Variants in ZNF7 observed in about 807,000 individuals in gnomAD.
The protein encoded by ZNF7 is zinc finger protein 7, also known as C2-H2 type zinc finger protein.
Under a neutral mutation model 12.0 loss-of-function variants are expected in ZNF7, and 10 were observed. The observed-to-expected ratio is 0.83, with a 90% CI of 0.51 to 1.42. The LOEUF is 1.42. Ranked by LOEUF, ZNF7 falls within the 40% of genes most tolerant of loss-of-function variation. The pLI is 0.00. For synonymous variants in ZNF7, 334 were observed against 295.0 expected, an observed-to-expected ratio of 1.13 and a Z score of -1.35; for missense variants, 854 against 837.2, an observed-to-expected ratio of 1.02 and a Z score of -0.25.
At position 144,841,527 on chromosome 8, in the gene ZNF7, G is replaced by A; in HGVS notation, c.420G>A (p.Gly140=). Residue 140 remains glycine, a synonymous_variant, in exon 5 of 5, where the codon GGG becomes GGA. Coordinates refer to ENST00000532777, the MANE Select transcript of ZNF7 (RefSeq NM_003416.4). ...TAGACAGTCATCTGGGCAGTCCCGGGCTGAAAGTGACAGGCTTTACCTTCC... is the reference window on the plus strand; with the variant it reads ...TAGACAGTCATCTGGGCAGTCCCGGACTGAAAGTGACAGGCTTTACCTTCC... ...VWLDSHLGSP[G]LKVTGFTFQN... The A allele has an allele frequency of 6.2e-7, 1 of 1,614,162 alleles. No individual in the cohort carries two copies.
chr8:144,841,513 C>T lies in ZNF7; in HGVS notation c.406C>T (p.Leu136=). 1.9e-6 allele frequency: 3 copies of T among 1,614,206 alleles called. No homozygotes were observed. The highest frequency in any genetic ancestry group is 2.2e-5 in the East Asian group (1 of 44,888). ...TTCTGAGGTCTGGTTAGACAGTCAT[C>T]TGGGCAGTCCCGGGCTGAAAGTGAC... ...SDSEVWLDSH[L]GSPGLKVTGF... The change falls in exon 5 of 5, where the codon CTG becomes TTG. Residue 136 remains leucine (L), a synonymous_variant. Transcript: ENST00000532777.
chr8:144,835,200 T>A (rs1255798612), intron 3 of ZNF7: 1 of 151,364 alleles, frequency 6.6e-6, no homozygotes, highest in Non-Finnish European at 1.5e-5. Context: ...GCATTTATAT[T>A]TTCTTTTTTT....
In ZNF7 at chr8:144,843,385, T is replaced by C. The variant is rs561183404; in HGVS notation, c.*217T>C. 684 of 494,926 alleles carry C rather than the reference T, an allele frequency of 1.4e-3. 4 individuals carry two copies. Among genetic ancestry groups the C allele is most frequent in the East Asian group, 7.3e-3 (211 of 28,868 alleles). 30.7% of individuals were successfully genotyped at this position (494,926 alleles called of 1,614,324 possible). ...CGGGCACATCACGAGGTCAGGAGGT[T>C]GAGACCATCCTGGGTAACAGGTGAA... is the stretch of plus-strand genomic sequence containing the variant. On this transcript the variant is annotated 3_prime_UTR_variant, in exon 5 of 5. Transcript: ENST00000532777.
Position 144,843,033 on chromosome 8 carries a change from AT to A in ZNF7, c.1929del (p.Phe643LeufsTer7), listed in dbSNP as rs1205166454. The A allele has an allele frequency of 1.2e-6, 2 of 1,614,204 alleles. No homozygotes were observed. Among genetic ancestry groups the A allele is most frequent in the Admixed American group, 3.3e-5 (2 of 60,022 alleles). On this transcript the variant is annotated frameshift_variant, in exon 5 of 5. Coordinates refer to ENST00000532777, the MANE Select transcript of ZNF7 (RefSeq NM_003416.4). LOFTEE classifies it low-confidence loss of function (END_TRUNC). Reference protein sequence around the residue: ...LHQCEDCEKIFRWRSHLIIHQ... With the variant: ...LHQCEDCEKIXRWRSHLIIHQ... ...ATCAGTGTGAAGACTGTGAGAAGAT[AT>A]TTAGGTGGCGTTCACACCTAATTAT...
At chr8:144,829,135 G>GCC in intron 2 of ZNF7, 45 bp downstream of exon 2, 1 of 1,612,694 alleles carries the variant, frequency 6.2e-7, no homozygotes, top group Non-Finnish European at 8.5e-7. Flanking sequence ...TCCTGTGAAG[G>GCC]CCCACCTCCT....
Position 144,841,477 on chromosome 8 carries a change from G to T in ZNF7, c.370G>T (p.Asp124Tyr). The stretch of plus-strand genomic sequence containing the variant: ...CTTTCCTCAGAATCCTGGCTTTGGA[G>T]ACGTTTCTGATTCTGAGGTCTGGTT... ...QDFPQNPGFG[D>Y]VSDSEVWLDS... Residue 124 changes from aspartate to tyrosine, a missense_variant, in exon 5 of 5, where the codon GAC becomes TAC. Transcript: ENST00000532777. 1 of 1,614,224 alleles carries T rather than the reference G, an allele frequency of 6.2e-7. No homozygotes were observed.
chr8:144,841,442 C>T lies in ZNF7; in HGVS notation c.335C>T (p.Ser112Phe), dbSNP rs1829899949. 2 of 1,614,092 alleles carry T rather than the reference C, an allele frequency of 1.2e-6. No individual in the cohort carries two copies. Among genetic ancestry groups the T allele is most frequent in the African/African-American group, 1.3e-5 (1 of 74,940 alleles). The change falls in exon 5 of 5, where the codon TCC becomes TTC. Residue 112 changes from serine (S) to phenylalanine (F), a missense_variant. By Grantham distance (155) the Ser-to-Phe change is radical. Transcript: ENST00000532777. ...SESYGTVVRI[S>F]PQDFPQNPGF... ...TCCTATGGGACAGTGGTCAGAATCTCCCCACAGGACTTTCCTCAGAATCCT... is the reference window on the plus strand; with the variant it reads ...TCCTATGGGACAGTGGTCAGAATCTTCCCACAGGACTTTCCTCAGAATCCT...
At position 144,843,444 on chromosome 8, in the gene ZNF7, T is replaced by C. The variant is rs112701277; in HGVS notation, c.*276T>C. On this transcript the variant is annotated 3_prime_UTR_variant, in exon 5 of 5. Transcript: ENST00000532777. Reference sequence around the variant, plus strand: ...TCTACTAAAAATACAAAAATTTAGCTGGGCGTGGTGGCAGGCACCTGTGGT... The same window carrying C: ...TCTACTAAAAATACAAAAATTTAGCCGGGCGTGGTGGCAGGCACCTGTGGT... 2,608 of 262,186 alleles carry C rather than the reference T, an allele frequency of 9.9e-3. 24 individuals carry two copies. The highest frequency in any genetic ancestry group is 0.013 in the Non-Finnish European group (1,856 of 139,252). The allele number at this position is 262,186 out of a possible 1,614,324, so 16.2% of individuals were successfully genotyped here.
Position 144,842,784 on chromosome 8 carries a change from G to A in ZNF7, c.1677G>A (p.Gly559=), listed in dbSNP as rs758559639. The stretch of plus-strand genomic sequence containing the variant: ...GGCCCTATAAATGTAATGAATGTGG[G>A]AAAGCCTTCAGTCAAAACTCAACCC... ...GERPYKCNEC[G]KAFSQNSTLF... The change falls in exon 5 of 5, where the codon GGG becomes GGA. Residue 559 remains glycine, a synonymous_variant. Coordinates refer to ENST00000532777, the MANE Select transcript of ZNF7 (RefSeq NM_003416.4). 6 of 1,614,158 alleles carry A rather than the reference G, an allele frequency of 3.7e-6. No homozygotes were observed. In the South Asian group the frequency reaches 6.6e-5, roughly 18 times the overall value.
chr8:144,841,820 G>A lies in ZNF7; in HGVS notation c.713G>A (p.Gly238Glu), dbSNP rs746282166. ...CQKKLSDCLQ[G>E]KHTNNCHGEK... ...AAAAAGTTATCTGACTGCTTGCAGG[G>A]GAAACATACAAATAACTGCCATGGA... The change falls in exon 5 of 5, where the codon GGG becomes GAG. Residue 238 changes from glycine (G) to glutamate (E), a missense_variant. Physicochemically the swap from Gly to Glu is moderately conservative, Grantham distance 98. Coordinates refer to ENST00000532777, the MANE Select transcript of ZNF7 (RefSeq NM_003416.4). 6.2e-7 allele frequency: 1 copy of A among 1,614,198 alleles called. No homozygotes were observed. Among genetic ancestry groups the A allele is most frequent in the East Asian group, 2.2e-5 (1 of 44,890 alleles).
At position 144,842,523 on chromosome 8, in the gene ZNF7, T is replaced by C. The variant is rs1324195726; in HGVS notation, c.1416T>C (p.Asp472=). The change falls in exon 5 of 5, where the codon GAT becomes GAC. Residue 472 remains aspartate, a synonymous_variant. Coordinates refer to ENST00000532777, the MANE Select transcript of ZNF7 (RefSeq NM_003416.4). ...THTGEKPFKC[D]ECGKGFVQGS... ...CTGGAGAAAAACCATTTAAATGTGA[T>C]GAGTGTGGCAAAGGCTTTGTTCAGG... The C allele has an allele frequency of 1.2e-6, 2 of 1,613,994 alleles. No homozygotes were observed. Among genetic ancestry groups the C allele is most frequent in the African/African-American group, 2.7e-5 (2 of 74,906 alleles).
chr8:144,837,603 G>C lies in ZNF7; in HGVS notation c.247+96G>C. 2.4e-6 allele frequency: 2 copies of C among 837,104 alleles called. 1 individual carries two copies. The highest frequency in any genetic ancestry group is 3.7e-6 in the Non-Finnish European group (2 of 535,410). 51.9% of individuals were successfully genotyped at this position (837,104 alleles called of 1,614,324 possible). A position where few individuals can be genotyped will look rare whatever the true frequency, so the allele number is the denominator to read the frequency against. ...GGGTAGCTGTGGGTGAGTCGCGGGG[G>C]CTACACTGGGATGCCTGGGAATGCT... On this transcript the variant is annotated intron_variant, in intron 4 of 4. Transcript: ENST00000532777.
downstream of ZNF7, chr8:144,845,834 A>C (rs976401273): frequency 1.1e-5 from 8 of 744,526 alleles, no homozygotes; most frequent in African/African-American, 1.2e-4. Flanking sequence ...TCACACCGGA[A>C]CTTCTGTGCA....
rs1325859642 is a variant in ZNF7 at position 144,843,668 on chromosome 8, A to C, written c.*500A>C. The C allele has an allele frequency of 1.3e-5, 2 of 152,284 alleles. No individual in the cohort carries two copies. The highest frequency in any genetic ancestry group is 1.5e-5 in the Non-Finnish European group (1 of 68,146). The allele number at this position is 152,284 out of a possible 1,614,324, so 9.4% of individuals were successfully genotyped here. ...TGAAATGTTTGACCTTAACCTGTTCAATAAAGCCTGTGTCCCTCAAAATCA... is the reference window on the plus strand; with the variant it reads ...TGAAATGTTTGACCTTAACCTGTTCCATAAAGCCTGTGTCCCTCAAAATCA... On this transcript the variant is annotated 3_prime_UTR_variant, in exon 5 of 5. Coordinates refer to ENST00000532777, the MANE Select transcript of ZNF7 (RefSeq NM_003416.4).
chr8:144,841,598 C>G lies in ZNF7; in HGVS notation c.491C>G (p.Thr164Ser). The change falls in exon 5 of 5, where the codon ACC (threonine) becomes AGC (serine). Residue 164 changes from threonine (T) to serine (S), a missense_variant. Transcript: ENST00000532777. ...GAGACTGTGGTTCCCAAGACCTTCA[C>G]CAAGGACGCACCCCAGGGATGTAAG... ...NEETVVPKTF[T>S]KDAPQGCKEL... is the part of the protein sequence containing the mutation. 6.2e-7 allele frequency: 1 copy of G among 1,614,172 alleles called. No individual in the cohort carries two copies. Among genetic ancestry groups the G allele is most frequent in the South Asian group, 1.1e-5 (1 of 91,084 alleles).
At position 144,841,106 on chromosome 8, in the gene ZNF7, C is replaced by T. The variant is rs909280; in HGVS notation, c.248-249C>T. 1.4e-3 allele frequency: 672 copies of T among 481,634 alleles called. 10 individuals carry two copies. The highest frequency in any genetic ancestry group is 3.3e-3 in the Middle Eastern group (6 of 1,832). 29.8% of individuals were successfully genotyped at this position (481,634 alleles called of 1,614,324 possible). ...AGTGCCTGTAGGATGGACCTCTCTGCTCACAGAACCCAGCCCTGCCCCAGC... is the reference window on the plus strand; with the variant it reads ...AGTGCCTGTAGGATGGACCTCTCTGTTCACAGAACCCAGCCCTGCCCCAGC... On this transcript the variant is annotated intron_variant, in intron 4 of 4. Coordinates refer to ENST00000532777, the MANE Select transcript of ZNF7 (RefSeq NM_003416.4).
At position 144,842,447 on chromosome 8, in the gene ZNF7, C is replaced by G. The variant is rs1351953553; in HGVS notation, c.1340C>G (p.Thr447Arg). 1.2e-6 allele frequency: 2 copies of G among 1,613,836 alleles called. No homozygotes were observed. The highest frequency in any genetic ancestry group is 1.3e-5 in the African/African-American group (1 of 74,872). The change falls in exon 5 of 5, where the codon ACA becomes AGA. Residue 447 changes from threonine (T) to arginine (R), a missense_variant. By Grantham distance (71) the Thr-to-Arg change is moderately conservative (BLOSUM62 -1). Coordinates refer to ENST00000532777, the MANE Select transcript of ZNF7 (RefSeq NM_003416.4). ...GEKPYKCNKC[T>R]KAFGCSSRLI... ...AAGCCTTATAAATGCAACAAGTGTACAAAAGCCTTTGGTTGTAGTTCACGG... is the reference window on the plus strand; with the variant it reads ...AAGCCTTATAAATGCAACAAGTGTAGAAAAGCCTTTGGTTGTAGTTCACGG...
rs376079812 is a variant in ZNF7 at position 144,843,205 on chromosome 8, C to T, written c.*37C>T. On this transcript the variant is annotated 3_prime_UTR_variant, in exon 5 of 5. Transcript: ENST00000532777. ...ATAAATGTGTATATATGTGAATAAA[C>T]CTATAGCCTTAACTTACTTATTTTA... 29 of 1,522,528 alleles carry T rather than the reference C, an allele frequency of 1.9e-5. No homozygotes were observed. The highest frequency in any genetic ancestry group is 2.7e-5 in the South Asian group (2 of 74,766). The allele number at this position is 1,522,528 out of a possible 1,614,324, so 94.3% of individuals were successfully genotyped here.
chr8:144,828,912 C>G, intron 1 of ZNF7, 131 bp from the exon 2 acceptor site: 2 of 1,221,424 alleles, frequency 1.6e-6, no homozygotes, highest in African/African-American at 1.5e-5. Flanking sequence ...CTGCTTCAGC[C>G]CAGCCCCATG....
Sources: allele counts gnomAD v4.1 joint callset, GRCh38; gene constraint gnomAD v4.1.1; transcripts MANE v1.5; gene names NCBI Gene and HGNC (gene_info 2026-07-23, HGNC 2026-07-21).